ZFP57: variants seen among roughly 807,000 people sequenced by gnomAD.
The protein encoded by ZFP57 is zinc finger protein 57 homolog.
In ZFP57, 12 loss-of-function variants were observed where a neutral mutation model predicts 15.8. The ratio of observed to expected loss-of-function variants is 0.76; its 90% CI spans 0.49 to 1.23. ZFP57 has a LOEUF of 1.23. ZFP57 is among the 50% of genes most tolerant of loss of function. The pLI, the probability that ZFP57 is intolerant of heterozygous loss-of-function variation, is 0.00. For missense variants in ZFP57, 536 were observed against 654.9 expected (o/e 0.82, Z 1.98); for synonymous variants, 203 against 242.3 (o/e 0.84, Z 1.51).
chr6:29,680,067 T>A (rs1481298708), intron 1 of ZFP57, among the ~76,000 whole-genome samples: 3 of 152,114 alleles, frequency 2.0e-5, no homozygotes, highest in Non-Finnish European at 1.5e-5. Context: ...GGGGACTGAA[T>A]CTCTGCGGCT....
chr6:29,672,449 C>A, downstream of ZFP57: 1 of 1,609,148 alleles, frequency 6.2e-7, no homozygotes, highest in Non-Finnish European at 8.5e-7. Flanking sequence ...CCCCAGAGGT[C>A]AGTCCTCAGG....
chr6:29,677,949 C>T (rs4391284), intron 1 of ZFP57, among the ~76,000 whole-genome samples: 24,763 of 152,176 alleles, frequency 0.16, 2,626 homozygotes, highest in East Asian at 0.23. Flanking sequence ...CCTGTAATCC[C>T]AGCATTTTGG....
At chr6:29,678,291 T>C (rs1295482485) in intron 1 of ZFP57, among the ~76,000 whole-genome samples, 1 of 152,262 alleles carries the variant, frequency 6.6e-6, no homozygotes, top group African/African-American at 2.4e-5. Context: ...CTTTTCTCTC[T>C]GGCCTGCCCA....
At chr6:29,680,510 C>G (rs1220882315) in intron 1 of ZFP57, among the ~76,000 whole-genome samples, 4 of 152,172 alleles carry the variant, frequency 2.6e-5, no homozygotes, top group African/African-American at 4.8e-5. Flanking sequence ...GCCCTTTGGT[C>G]TCTGCTCAGG....
rs1346592440 is a variant in ZFP57 at position 29,675,477 on chromosome 6, A to G, written c.261T>C (p.Phe87=). The change falls in exon 4 of 5, where the codon TTT becomes TTC. Residue 87 remains phenylalanine, a synonymous_variant. Transcript: ENST00000376883. ...FKNLTSVARI[F]LHKPELITKL... is the part of the protein sequence containing the mutation. ...TGGTGATTAGCTCTGGCTTATGCAG[A>G]AAGATTCTGGCTGATGTGTGGGAAT... 6.2e-7 allele frequency: 1 copy of G among 1,613,976 alleles called. No homozygotes were observed. Among genetic ancestry groups the G allele is most frequent in the African/African-American group, 1.3e-5 (1 of 74,918 alleles).
Position 29,675,970 on chromosome 6 carries a change from A to T in ZFP57, c.213T>A (p.Asp71Glu). 6.2e-7 allele frequency: 1 copy of T among 1,613,384 alleles called. No homozygotes were observed. Among genetic ancestry groups the T allele is most frequent in the Non-Finnish European group, 8.5e-7 (1 of 1,180,030 alleles). ...GATTCTTAAAGGTTTCCGACATAACATCCTGGTAAAGGACCCTCTGGCTGG... is the reference window on the plus strand; with the variant it reads ...GATTCTTAAAGGTTTCCGACATAACTTCCTGGTAAAGGACCCTCTGGCTGG... ...LDASQRVLYQ[D>E]VMSETFKNLT... The change falls in exon 3 of 5, where the codon GAT (aspartate) becomes GAA (glutamate). Residue 71 changes from aspartate (D) to glutamate (E), a missense_variant. Transcript: ENST00000376883.
At position 29,677,220 on chromosome 6, in the gene ZFP57, C is replaced by T. The variant is rs1583181283; in HGVS notation, c.-217G>A. The T allele has an allele frequency of 4.7e-6, 3 of 643,390 alleles. No homozygotes were observed. Among genetic ancestry groups the T allele is most frequent in the East Asian group, 5.6e-5 (2 of 35,828 alleles). 39.9% of individuals were successfully genotyped at this position (643,390 alleles called of 1,614,324 possible). A position where few individuals can be genotyped will look rare whatever the true frequency, so the allele number is the denominator to read the frequency against. On this transcript the variant is annotated 5_prime_UTR_variant, in exon 2 of 5. Transcript: ENST00000376883. ...TTCTGCTGTCCAAATTCTCCTCTTC[C>T]ACAATTGAGAACAATTTTGCTTCCC...
Position 29,673,161 on chromosome 6 carries a change from C to T in ZFP57, c.950G>A (p.Gly317Glu), listed in dbSNP as rs1335472515. Residue 317 changes from glycine (G) to glutamate (E), a missense_variant, in exon 5 of 5, where the codon GGG becomes GAG. Gly to Glu is a moderately conservative substitution (Grantham distance 98, BLOSUM62 -2). Coordinates refer to ENST00000376883, the MANE Select transcript of ZFP57 (RefSeq NM_001109809.5). This position sits in a 1 kb window ranked among gnomAD's most constrained non-coding sequence, Gnocchi z 4.7. ...PIARSQRSIQ[G>E]LLDVNHAPVA... Reference sequence around the variant, plus strand: ...TGGTGCATGGTTCACATCCAAAAGCCCCTGGATGGACCTCTGGCTTCTGGC... The same window carrying T: ...TGGTGCATGGTTCACATCCAAAAGCTCCTGGATGGACCTCTGGCTTCTGGC... The T allele has an allele frequency of 6.2e-7, 1 of 1,612,928 alleles. No homozygotes were observed. The highest frequency in any genetic ancestry group is 1.1e-5 in the South Asian group (1 of 91,078).
At chr6:29,676,104 G>A (rs765358875) in intron 2 of ZFP57, 45 bp from the exon 3 acceptor site, 267 of 1,033,256 alleles carry the variant, frequency 2.6e-4, no homozygotes, top group Middle Eastern at 3.5e-4. Context: ...AAATATATAT[G>A]TGTGTGTGTG....
In ZFP57 at chr6:29,672,545, T is replaced by C; in HGVS notation, c.1566A>G (p.Lys522=). ...RRRGLREKAC[K]GDKTKEAVSI... The stretch of plus-strand genomic sequence containing the variant: ...TCACTGCCTCCTTTGTTTTGTCTCC[T>C]TTGCAGGCCTTCTCTCTTAGGCCTC... The change falls in exon 5 of 5, where the codon AAA becomes AAG. Residue 522 remains lysine (K), a synonymous_variant. Coordinates refer to ENST00000376883, the MANE Select transcript of ZFP57 (RefSeq NM_001109809.5). 6.2e-7 allele frequency: 1 copy of C among 1,613,004 alleles called. No homozygotes were observed.
intron 4 of ZFP57, among the ~76,000 whole-genome samples, chr6:29,674,831 G>A (rs1171930012): frequency 6.6e-6 from 1 of 152,088 alleles, no homozygotes; most frequent in South Asian, 2.1e-4. Flanking sequence ...TCTAGAAACT[G>A]AAGACATCTA....
chr6:29,677,127 G>A lies in ZFP57; in HGVS notation c.-124C>T. 7.1e-7 allele frequency: 1 copy of A among 1,418,268 alleles called. No homozygotes were observed. The highest frequency in any genetic ancestry group is 1.2e-5 in the South Asian group (1 of 86,558). The allele number at this position is 1,418,268 out of a possible 1,614,324, so 87.9% of individuals were successfully genotyped here. ...TGGGCAGATGGAGAGGCCCAGCAAA[G>A]GCCCCAGGGTTTGATGTGGCTTCCT... On this transcript the variant is annotated 5_prime_UTR_variant, in exon 2 of 5. Transcript: ENST00000376883.
At position 29,673,588 on chromosome 6, in the gene ZFP57, A is replaced by G; in HGVS notation, c.523T>C (p.Phe175Leu). ...VLQASQAGPP[F>L]FCYTCGKCFS... The stretch of plus-strand genomic sequence containing the variant: ...CATTTGCCACAGGTGTAGCAAAAAA[A>G]GGGTGGCCCAGCCTGGGATGCTTGA... Residue 175 changes from phenylalanine (F) to leucine (L), a missense_variant, in exon 5 of 5, where the codon TTT (phenylalanine) becomes CTT (leucine). Coordinates refer to ENST00000376883, the MANE Select transcript of ZFP57 (RefSeq NM_001109809.5). This position sits in a 1 kb window ranked among gnomAD's most constrained non-coding sequence, Gnocchi z 4.7. The G allele has an allele frequency of 4.3e-6, 7 of 1,613,024 alleles. No homozygotes were observed. The highest frequency in any genetic ancestry group is 5.9e-6 in the Non-Finnish European group (7 of 1,180,002).
chr6:29,675,173 A>AAGAGAG (rs9278233), intron 4 of ZFP57, among the ~76,000 whole-genome samples: 28 of 104,990 alleles, frequency 2.7e-4, no homozygotes, highest in South Asian at 4.1e-4. Context: ...AAAAAAAAAA[A>AAGAGAG]AGAGAGAGAG....
chr6:29,677,768 T>TACAC (rs9278235), intron 1 of ZFP57, among the ~76,000 whole-genome samples: 10,682 of 149,560 alleles, frequency 0.071, 580 homozygotes, highest in African/African-American at 0.16. Flanking sequence ...ACCAAAATTA[T>TACAC]ACACACACAC....
chr6:29,675,046 G>A (rs113718198), intron 4 of ZFP57, among the ~76,000 whole-genome samples: 1,764 of 151,544 alleles, frequency 0.012, 12 homozygotes, highest in Non-Finnish European at 0.019. Flanking sequence ...CCAGCTACTC[G>A]AGAGGCTGAG....
At chr6:29,680,173 A>ACT (rs1562230202) in intron 1 of ZFP57, among the ~76,000 whole-genome samples, 1 of 152,054 alleles carries the variant, frequency 6.6e-6, no homozygotes, top group African/African-American at 2.4e-5. Flanking sequence ...ACTGGGCATA[A>ACT]CTCATCAGAC....
Position 29,672,862 on chromosome 6 carries a change from A to G in ZFP57, c.1249T>C (p.Cys417Arg). 6.2e-7 allele frequency: 1 copy of G among 1,613,090 alleles called. No individual in the cohort carries two copies. The highest frequency in any genetic ancestry group is 8.5e-7 in the Non-Finnish European group (1 of 1,180,040). ...LTEPPNYCFH[C>R]SKSFSSFSRL... ...GAAAATGAGCTGAAAGACTTGCTGC[A>G]ATGGAAGCAGTAGTTGGGCGGCTCT... The change falls in exon 5 of 5, where the codon TGC (cysteine) becomes CGC (arginine). Residue 417 changes from cysteine (C) to arginine (R), a missense_variant. By Grantham distance (180) the Cys-to-Arg change is radical. Transcript: ENST00000376883.
At chr6:29,674,265 T>G (rs143478979) in intron 4 of ZFP57, among the ~76,000 whole-genome samples, 2,847 of 151,866 alleles carry the variant, frequency 0.019, 44 homozygotes, top group Admixed American at 0.034. Context: ...GAAGAAGAAC[T>G]CCAACACAGC....
Sources: gnomAD v4.1 joint callset for allele counts (sites outside exome capture counted in the v4.1 genomes callset) on GRCh38, gnomAD v4.1.1 for gene constraint, Gnocchi (gnomAD v3.1) non-coding constraint, MANE v1.5 for transcripts, NCBI Gene and HGNC (gene_info 2026-07-23, HGNC 2026-07-21) for gene names.